Variants in NEK1 observed in about 807,000 individuals in gnomAD.
NEK1 encodes serine/threonine-protein kinase Nek1.
In NEK1, 137 loss-of-function variants were observed where a neutral mutation model predicts 182.1. The ratio of observed to expected loss-of-function variants is 0.75; its 90% confidence interval spans 0.65 to 0.87. The LOEUF is 0.87. Ranked by LOEUF, NEK1 falls within the 40% of genes least tolerant of loss-of-function variation. The probability of loss-of-function intolerance (pLI) is 0.00; values close to 1 mark genes in which losing one functional copy is unlikely to be tolerated. For synonymous variants in NEK1, 513 were observed against 492.2 expected (o/e 1.04, Z -0.56); for missense variants, 1,391 against 1,494.4 (o/e 0.93, Z 1.14).
chr4:169,523,014 G>C (rs1370756429), intron 19 of NEK1, among the ~76,000 whole-genome samples: 1 of 152,062 alleles, frequency 6.6e-6, no homozygotes, highest in African/African-American at 2.4e-5. Context: ...CCTTCTTTCT[G>C]GCATTTATAA....
chr4:169,529,230 T>G (rs185145122), intron 19 of NEK1, among the ~76,000 whole-genome samples: 9 of 152,232 alleles, frequency 5.9e-5, no homozygotes, highest in Non-Finnish European at 1.0e-4. Context: ...ACAAATTGTA[T>G]GCTTATATCA....
At chr4:169,476,968 A>C (rs1747066115) in intron 26 of NEK1, among the ~76,000 whole-genome samples, 156 bp downstream of exon 26, 1 of 152,074 alleles carries the variant, frequency 6.6e-6, no homozygotes, top group Non-Finnish European at 1.5e-5. Flanking sequence ...TTTCACTGTG[A>C]GAGGGAGGCA....
chr4:169,435,041 A>T (rs1205026827), intron 28 of NEK1, among the ~76,000 whole-genome samples: 2 of 152,174 alleles, frequency 1.3e-5, no homozygotes, highest in African/African-American at 4.8e-5. Flanking sequence ...TTCTTTTTTA[A>T]AGAAAAGGCA....
intron 18 of NEK1, among the ~76,000 whole-genome samples, chr4:169,541,208 G>T (rs1759352736): frequency 6.6e-6 from 1 of 152,048 alleles, no homozygotes; most frequent in African/African-American, 2.4e-5. Flanking sequence ...TCCTCTTAAG[G>T]GGCATGTCGA....
intron 10 of NEK1, among the ~76,000 whole-genome samples, chr4:169,582,413 C>A (rs1051822205): frequency 1.3e-5 from 2 of 152,050 alleles, no homozygotes; most frequent in Non-Finnish European, 1.5e-5. Flanking sequence ...CTCAGCAATG[C>A]CCTCTAGGTG....
Position 169,506,924 on chromosome 4 carries a change from A to C in NEK1, c.2007+113T>G, listed in dbSNP as rs1753367043. The C allele has an allele frequency of 9.0e-6, 5 of 556,694 alleles. 1 individual carries two copies. The South Asian group carries it at 1.7e-4, about 19-fold the overall frequency. The allele number at this position is 556,694 out of a possible 1,614,324, so 34.5% of individuals were successfully genotyped here. ...AGAAAGGGTGAGAGAGAGAATGAGA[A>C]TGAAAAAACAGAAAAAAAAAAGCAC... On this transcript the variant is annotated intron_variant, in intron 23 of 35. Transcript: ENST00000507142.
intron 5 of NEK1, among the ~76,000 whole-genome samples, chr4:169,594,155 C>T (rs1040596679): frequency 2.0e-5 from 3 of 152,148 alleles, no homozygotes; most frequent in Non-Finnish European, 4.4e-5. Flanking sequence ...AAGAACCATA[C>T]AGTAATTATC....
Position 169,477,243 on chromosome 4 carries a change from G to A in NEK1, c.2315C>T (p.Ala772Val). 1 of 1,601,710 alleles carries A rather than the reference G, an allele frequency of 6.2e-7. No homozygotes were observed. Reference protein sequence around the residue: ...DTFEINVHEDAKEHEKEKSVS... With the variant: ...DTFEINVHEDVKEHEKEKSVS... ...TGATTTTTCTTTTTCATGCTCTTTG[G>A]CATCTTCATGAACATTTATCTCAAA... The change falls in exon 26 of 36, where the codon GCC becomes GTC. Residue 772 changes from alanine to valine, a missense_variant. By Grantham distance (64) the Ala-to-Val change is moderately conservative. Coordinates refer to ENST00000507142, the MANE Select transcript of NEK1 (RefSeq NM_001199397.3).
At chr4:169,545,323 G>C (rs956506119) in intron 18 of NEK1, among the ~76,000 whole-genome samples, 1 of 151,312 alleles carries the variant, frequency 6.6e-6, no homozygotes, top group Admixed American at 6.6e-5. Flanking sequence ...TTGTTCTTGC[G>C]ATAGTTTACT....
intron 5 of NEK1, among the ~76,000 whole-genome samples, chr4:169,594,240 C>T (rs1406491423): frequency 6.6e-6 from 1 of 152,286 alleles, no homozygotes; most frequent in African/African-American, 2.4e-5. Flanking sequence ...AACAGTACCA[C>T]AATTCATCTT....
intron 11 of NEK1, 40 bp downstream of exon 11, chr4:169,580,802 T>C (rs1274352611): frequency 3.3e-6 from 4 of 1,211,818 alleles, no homozygotes; most frequent in Non-Finnish European, 4.8e-6. Flanking sequence ...GGGTTGATTA[T>C]TGCAAACAGA....
chr4:169,505,654 A>G (rs1466761348), intron 23 of NEK1, among the ~76,000 whole-genome samples: 1 of 152,230 alleles, frequency 6.6e-6, no homozygotes, highest in Non-Finnish European at 1.5e-5. Context: ...AGTGGTTATA[A>G]TATGCCTGGC....
intron 19 of NEK1, among the ~76,000 whole-genome samples, chr4:169,511,654 A>G (rs529640866): frequency 7.9e-4 from 119 of 150,456 alleles, no homozygotes; most frequent in African/African-American, 2.8e-3. Flanking sequence ...CAAATTATAG[A>G]TATAATCTTT....
intron 31 of NEK1, among the ~76,000 whole-genome samples, chr4:169,409,837 C>T (rs1733353369): frequency 6.6e-6 from 1 of 152,066 alleles, no homozygotes; most frequent in Non-Finnish European, 1.5e-5. Context: ...CTCATTGTGG[C>T]TTTAATATGC....
At chr4:169,583,248 CAG>C (rs1185387415) in intron 10 of NEK1, among the ~76,000 whole-genome samples, 1 of 132,884 alleles carries the variant, frequency 7.5e-6, no homozygotes, top group Non-Finnish European at 1.6e-5. Context: ...GCCTGGGTGA[CAG>C]AGTGAGACTC....
At chr4:169,559,889 A>T (rs987203045) in intron 16 of NEK1, among the ~76,000 whole-genome samples, 9 of 152,050 alleles carry the variant, frequency 5.9e-5, no homozygotes, top group Non-Finnish European at 1.2e-4. Flanking sequence ...CATGCCTGTA[A>T]TCCCAGCTAC....
chr4:169,595,162 TTTC>T (rs1308436694), intron 5 of NEK1, among the ~76,000 whole-genome samples: 1 of 152,158 alleles, frequency 6.6e-6, no homozygotes, highest in African/African-American at 2.4e-5. Flanking sequence ...TGAGTCAGAA[TTTC>T]TTCAAGACTT....
At chr4:169,497,315 C>G in intron 23 of NEK1, among the ~76,000 whole-genome samples, 1 of 152,078 alleles carries the variant, frequency 6.6e-6, no homozygotes, top group Non-Finnish European at 1.5e-5. Flanking sequence ...ATTAGTCTTG[C>G]TAGCGGTCTA....
intron 23 of NEK1, among the ~76,000 whole-genome samples, chr4:169,487,384 G>C (rs1403833104): frequency 1.3e-5 from 2 of 152,108 alleles, no homozygotes; most frequent in Non-Finnish European, 2.9e-5. Context: ...TCATCGTTCA[G>C]CTCCCACTTA....
Sources: allele counts gnomAD v4.1 joint callset (sites outside exome capture counted in the v4.1 genomes callset), GRCh38; gene constraint gnomAD v4.1.1; transcripts MANE v1.5; gene names NCBI Gene and HGNC (gene_info 2026-07-23, HGNC 2026-07-21).